The following MORC1 variants were observed in gnomAD, a reference collection of about 807,000 sequenced individuals.
The protein encoded by MORC1 is MORC family CW-type zinc finger 1.
MORC1 carries 59 observed loss-of-function variants against 134.9 expected under a neutral mutation model. The observed-to-expected ratio is 0.44, with a 90% CI of 0.35 to 0.54. The LOEUF is 0.54. Ranked by LOEUF, MORC1 falls within the 20% of genes least tolerant of loss-of-function variation. The probability of loss-of-function intolerance (pLI) is 0.00; values close to 1 mark genes in which losing one functional copy is unlikely to be tolerated. For missense variants in MORC1, 947 were observed against 1,134.5 expected (o/e 0.83, Z 2.37); for synonymous variants, 395 against 391.7 (o/e 1.01, Z -0.10).
intron 9 of MORC1, among the ~76,000 whole-genome samples, chr3:109,063,439 A>C (rs747888828): frequency 6.6e-6 from 1 of 152,144 alleles, no homozygotes; most frequent in Non-Finnish European, 1.5e-5. Context: ...TGTTTTTTTA[A>C]GGAAACTTCA....
At chr3:109,039,446 G>C (rs1949459341) in intron 14 of MORC1, among the ~76,000 whole-genome samples, 1 of 152,176 alleles carries the variant, frequency 6.6e-6, no homozygotes, top group Non-Finnish European at 1.5e-5. Context: ...ATAAAACTTG[G>C]AGGATTCTGG....
chr3:108,979,399 GTCAC>G, intron 24 of MORC1, 112 bp downstream of exon 24: 1 of 1,122,612 alleles, frequency 8.9e-7, no homozygotes, highest in Non-Finnish European at 1.3e-6. Context: ...AAGTCATAAT[GTCAC>G]TCTACTGAAT....
intron 23 of MORC1, 78 bp from the exon 24 acceptor site, chr3:108,979,745 A>T: frequency 6.6e-7 from 1 of 1,519,074 alleles, no homozygotes; most frequent in Non-Finnish European, 9.0e-7. Flanking sequence ...AAAATGAGTG[A>T]AATGTTCATA....
At chr3:109,029,549 T>A (rs1949185490) in intron 16 of MORC1, among the ~76,000 whole-genome samples, 1 of 152,302 alleles carries the variant, frequency 6.6e-6, no homozygotes, top group Admixed American at 6.5e-5. Context: ...TAGGCATCAT[T>A]TTTTCTCTGC....
At chr3:109,106,479 A>G (rs1298419802) in intron 3 of MORC1, among the ~76,000 whole-genome samples, 2 of 152,174 alleles carry the variant, frequency 1.3e-5, no homozygotes, top group African/African-American at 2.4e-5. Flanking sequence ...CAATTCCTTA[A>G]AACTATGAAT....
chr3:109,069,552 C>T (rs2107705961), intron 9 of MORC1, 80 bp downstream of exon 9: 4 of 1,330,098 alleles, frequency 3.0e-6, no homozygotes, highest in Non-Finnish European at 4.0e-6. Flanking sequence ...AAGTCAATGT[C>T]CTCACTTTGA....
intron 3 of MORC1, 135 bp downstream of exon 3, chr3:109,110,614 C>A: frequency 2.8e-6 from 2 of 719,534 alleles, no homozygotes; most frequent in South Asian, 1.9e-5. Flanking sequence ...CCCACAGGGT[C>A]ACTGTACCCA....
chr3:109,088,028 GA>G (rs1227726310), intron 8 of MORC1, among the ~76,000 whole-genome samples: 1 of 152,102 alleles, frequency 6.6e-6, no homozygotes, highest in Non-Finnish European at 1.5e-5. Context: ...GCCATATGCA[GA>G]AGATTGAAGC....
intron 23 of MORC1, among the ~76,000 whole-genome samples, chr3:108,983,272 T>G (rs947348887): frequency 4.6e-5 from 7 of 152,192 alleles, no homozygotes; most frequent in Non-Finnish European, 7.3e-5. Context: ...TATGAGTCAG[T>G]GTCATTCTGG....
chr3:109,113,775 CAGT>C (rs1278114531), intron 2 of MORC1, among the ~76,000 whole-genome samples: 4 of 144,216 alleles, frequency 2.8e-5, no homozygotes, highest in African/African-American at 4.9e-5. Flanking sequence ...TTATTAGAGA[CAGT>C]AAAATACGAC....
At chr3:109,082,692 T>A (rs186283520) in intron 8 of MORC1, among the ~76,000 whole-genome samples, 24 of 152,102 alleles carry the variant, frequency 1.6e-4, no homozygotes, top group African/African-American at 5.8e-4. Flanking sequence ...GAGGAAATAA[T>A]CTGTGAGCTC....
At chr3:109,055,100 T>C (rs1362226306) in intron 13 of MORC1, among the ~76,000 whole-genome samples, 1 of 152,150 alleles carries the variant, frequency 6.6e-6, no homozygotes, top group Non-Finnish European at 1.5e-5. Flanking sequence ...TTTAGCACAA[T>C]GTTACAGAGT....
intron 23 of MORC1, among the ~76,000 whole-genome samples, chr3:108,984,079 G>C (rs1410538691): frequency 2.0e-5 from 3 of 152,132 alleles, no homozygotes; most frequent in Non-Finnish European, 4.4e-5. Flanking sequence ...CTGTCAGCAA[G>C]TGCAGGAAAA....
chr3:108,987,337 T>C (rs1288459612), intron 21 of MORC1, among the ~76,000 whole-genome samples: 1 of 152,206 alleles, frequency 6.6e-6, no homozygotes, highest in Admixed American at 6.5e-5. Flanking sequence ...TTAGGGTACC[T>C]CTGGTTGCTG....
chr3:108,969,639 T>C (rs1211328866), intron 26 of MORC1, 30 bp downstream of exon 26: 32 of 1,590,728 alleles, frequency 2.0e-5, no homozygotes, highest in African/African-American at 5.4e-5. Context: ...TCATTTAGAA[T>C]ATAAATGGTG....
intron 21 of MORC1, among the ~76,000 whole-genome samples, chr3:109,000,310 C>T (rs577484931): frequency 6.6e-6 from 1 of 152,228 alleles, no homozygotes; most frequent in Non-Finnish European, 1.5e-5. Flanking sequence ...TTAAGGCTTT[C>T]TTACCCAGAT....
At chr3:109,056,736 G>A (rs1024043586) in intron 13 of MORC1, among the ~76,000 whole-genome samples, 1 of 152,146 alleles carries the variant, frequency 6.6e-6, no homozygotes, top group African/African-American at 2.4e-5. Context: ...TGAGAGTGAG[G>A]AAGCAAGATA....
At chr3:109,086,532 A>G (rs1950619668) in intron 8 of MORC1, among the ~76,000 whole-genome samples, 1 of 152,040 alleles carries the variant, frequency 6.6e-6, no homozygotes, top group Admixed American at 6.6e-5. Flanking sequence ...TGGTTATCAT[A>G]TTGTACCTTG....
intron 8 of MORC1, among the ~76,000 whole-genome samples, chr3:109,073,933 T>G (rs2107717093): frequency 6.6e-6 from 1 of 152,300 alleles, no homozygotes; most frequent in East Asian, 1.9e-4. Flanking sequence ...AGTTATAAGC[T>G]ACACAAAGTA....
Sources: allele counts gnomAD v4.1 joint callset (sites outside exome capture counted in the v4.1 genomes callset), GRCh38; gene constraint gnomAD v4.1.1; transcripts MANE v1.5; gene names NCBI Gene and HGNC (gene_info 2026-07-23, HGNC 2026-07-21).